SSH2: variants seen among roughly 807,000 people sequenced by gnomAD.
The protein encoded by SSH2 is protein phosphatase Slingshot homolog 2.
A neutral mutation model predicts 135.2 loss-of-function variants in SSH2; 37 were observed. That is an observed-to-expected ratio of 0.27 (90% CI 0.21 to 0.36). SSH2 has a LOEUF of 0.36. Among genes scored for constraint, SSH2 ranks in the 10% least tolerant of loss-of-function variants. SSH2 has a pLI of 1.00. For synonymous variants in SSH2, 628 were observed against 646.2 expected (o/e 0.97, Z 0.43); for missense variants, 1,408 against 1,765.3 (o/e 0.80, Z 3.63).
intron 1 of SSH2, among the ~76,000 whole-genome samples, chr17:29,928,741 C>CT (rs1286813025): frequency 3.3e-5 from 5 of 152,186 alleles, no homozygotes; most frequent in African/African-American, 1.2e-4. Flanking sequence ...ACTGAAATGA[C>CT]AAGCCAGCAA....
chr17:29,632,864 TTGACTGAAATTGCATTTTCCGAGTGAGAC>T lies in SSH2; in HGVS notation c.2301_2329del (p.Ser768ArgfsTer5). On this transcript the variant is annotated frameshift_variant, in exon 16 of 16. Coordinates refer to ENST00000540801, the MANE Select transcript of SSH2 (RefSeq NM_001282129.2). LOFTEE classifies it high-confidence loss of function. ...GGACTCAATTTCAGTGACAATTTCT[TTGACTGAAATTGCATTTTCCGAGTGAGAC>T]TGCATGAAGATGTCTGGGCTGACCA... 1 of 1,614,192 alleles carries T rather than the reference TTGACTGAAATTGCATTTTCCGAGTGAGAC, an allele frequency of 6.2e-7. No homozygotes were observed. Among genetic ancestry groups the T allele is most frequent in the South Asian group, 1.1e-5 (1 of 91,084 alleles).
At chr17:29,904,792 C>A (rs1037437117) in intron 1 of SSH2, among the ~76,000 whole-genome samples, 3 of 152,198 alleles carry the variant, frequency 2.0e-5, no homozygotes, top group Admixed American at 6.5e-5. Flanking sequence ...TGATAAGCAA[C>A]TTCAGCAATG....
intron 3 of SSH2, among the ~76,000 whole-genome samples, chr17:29,740,064 T>C (rs905359779): frequency 6.6e-6 from 1 of 152,226 alleles, no homozygotes; most frequent in African/African-American, 2.4e-5. Context: ...TAAAGCTGGA[T>C]TGACCTCGCA....
chr17:29,840,638 T>C (rs2043024190), intron 2 of SSH2, among the ~76,000 whole-genome samples: 2 of 152,150 alleles, frequency 1.3e-5, no homozygotes, highest in Admixed American at 1.3e-4. Flanking sequence ...TCTTCTTCTT[T>C]TTCTCCAGAG....
intron 3 of SSH2, among the ~76,000 whole-genome samples, chr17:29,735,472 A>G (rs751479890): frequency 3.9e-5 from 6 of 152,048 alleles, no homozygotes; most frequent in Non-Finnish European, 8.8e-5. Context: ...TGAGGCAGGC[A>G]CATCACAGGA....
In SSH2 at chr17:29,626,293, A is replaced by G. The variant is rs1021018672; in HGVS notation, c.*4548T>C. The G allele has an allele frequency of 3.3e-4, 50 of 152,684 alleles. No homozygotes were observed. The highest frequency in any genetic ancestry group is 1.1e-3 in the African/African-American group (47 of 41,544). The allele number at this position is 152,684 out of a possible 1,614,324, so 9.5% of individuals were successfully genotyped here. A position where few individuals can be genotyped will look rare whatever the true frequency, so the allele number is the denominator to read the frequency against. On this transcript the variant is annotated 3_prime_UTR_variant, in exon 16 of 16. Transcript: ENST00000540801. ...AAACAAAGCAGAAAGAAAAAAAAAA[A>G]AAAAGAAAAGTAAAGGCACCTTTAG...
intron 1 of SSH2, among the ~76,000 whole-genome samples, chr17:29,873,207 G>A (rs985952544): frequency 1.3e-5 from 2 of 152,080 alleles, no homozygotes; most frequent in Non-Finnish European, 2.9e-5. Context: ...AATTGGGTAG[G>A]ATTGGTTTTA....
chr17:29,683,333 C>T (rs533784863), intron 6 of SSH2, among the ~76,000 whole-genome samples: 11 of 152,240 alleles, frequency 7.2e-5, no homozygotes, highest in South Asian at 6.2e-4. Flanking sequence ...CTTAAGGACA[C>T]ACGAAAAGGC....
intron 13 of SSH2, among the ~76,000 whole-genome samples, chr17:29,650,276 C>T (rs80246905): frequency 0.011 from 1,714 of 152,216 alleles, 33 homozygotes; most frequent in African/African-American, 0.037. Context: ...TTATCTTCAG[C>T]GGGGAGGACC....
intron 3 of SSH2, among the ~76,000 whole-genome samples, chr17:29,779,254 T>A (rs1385844297): frequency 6.6e-6 from 1 of 152,136 alleles, no homozygotes; most frequent in African/African-American, 2.4e-5. Flanking sequence ...AAATATAAAA[T>A]AGTGTCTGTG....
At chr17:29,882,086 TTA>T (rs1159134535) in intron 1 of SSH2, among the ~76,000 whole-genome samples, 2 of 152,216 alleles carry the variant, frequency 1.3e-5, no homozygotes, top group Non-Finnish European at 2.9e-5. Flanking sequence ...AGCTGTCCTA[TTA>T]TACAATGCCA....
At chr17:29,662,240 T>C (rs1282927860) in intron 11 of SSH2, among the ~76,000 whole-genome samples, 2 of 152,234 alleles carry the variant, frequency 1.3e-5, no homozygotes, top group Non-Finnish European at 2.9e-5. Context: ...TGATTTCTTT[T>C]CATGCTATCC....
chr17:29,712,051 C>T (rs572439279), intron 3 of SSH2, among the ~76,000 whole-genome samples: 23 of 152,188 alleles, frequency 1.5e-4, no homozygotes, highest in South Asian at 6.2e-4. Context: ...AGACATCAAT[C>T]GATATATGTA....
At chr17:29,716,353 T>C (rs1239940420) in intron 3 of SSH2, 2 of 473,012 alleles carry the variant, frequency 4.2e-6, no homozygotes, top group East Asian at 9.1e-5. Flanking sequence ...GGAAGCTGTC[T>C]TGGCTCTTAG....
intron 5 of SSH2, among the ~76,000 whole-genome samples, chr17:29,691,113 T>G (rs1302762132): frequency 6.6e-6 from 1 of 152,106 alleles, no homozygotes; most frequent in East Asian, 1.9e-4. Flanking sequence ...AAACCCCACA[T>G]AATACATTTA....
intron 3 of SSH2, among the ~76,000 whole-genome samples, chr17:29,755,800 T>G (rs941448127): frequency 6.6e-6 from 1 of 151,046 alleles, no homozygotes; most frequent in Non-Finnish European, 1.5e-5. Flanking sequence ...TGGCTGGGAC[T>G]ACAGGCACCC....
intron 3 of SSH2, among the ~76,000 whole-genome samples, chr17:29,752,330 C>G (rs992374404): frequency 1.3e-5 from 2 of 152,032 alleles, no homozygotes; most frequent in African/African-American, 4.8e-5. Context: ...GGCATATGAA[C>G]AGAAAAACAT....
chr17:29,668,487 T>C lies in SSH2; in HGVS notation c.810-1264A>G, dbSNP rs151160914. ...GGTTAATGCATGTAATCCCAGCACT[T>C]TGGGAGGCCGAGGTGGGTGGACTGC... On this transcript the variant is annotated intron_variant, in intron 9 of 15. Transcript: ENST00000540801. Among the ~76,000 whole-genome samples the C allele has an allele frequency of 5.1e-3, 781 of 152,308 alleles. 8 individuals are homozygous for C. Among genetic ancestry groups the C allele is most frequent in the African/African-American group, 0.018 (739 of 41,566 alleles).
intron 14 of SSH2, among the ~76,000 whole-genome samples, chr17:29,641,941 T>C (rs1413477628): frequency 3.3e-5 from 5 of 149,424 alleles, no homozygotes; most frequent in Non-Finnish European, 7.4e-5. Flanking sequence ...CATTGTCTTT[T>C]TTTTTTTTTT....
Sources: allele counts gnomAD v4.1 joint callset (sites outside exome capture counted in the v4.1 genomes callset), GRCh38; gene constraint gnomAD v4.1.1; transcripts MANE v1.5; gene names NCBI Gene and HGNC (gene_info 2026-07-23, HGNC 2026-07-21).